Variants in ACOXL observed in about 807,000 individuals in gnomAD.
ACOXL encodes the protein acyl-coenzyme A oxidase-like protein.
In ACOXL, 70 loss-of-function variants were observed where a neutral mutation model predicts 71.9. The ratio of observed to expected loss-of-function variants is 0.97; its 90% confidence interval spans 0.80 to 1.19. The LOEUF is 1.19. Among genes scored for constraint, ACOXL ranks in the 50% most tolerant of loss-of-function variants. The probability of loss-of-function intolerance (pLI) is 0.00; values close to 1 mark genes in which losing one functional copy is unlikely to be tolerated. For synonymous variants in ACOXL, 253 were observed against 281.6 expected (o/e 0.90, Z 1.02); for missense variants, 703 against 736.3 (o/e 0.95, Z 0.52).
At chr2:110,821,406 G>A (rs1688584505) in intron 9 of ACOXL, among the ~76,000 whole-genome samples, 1 of 152,150 alleles carries the variant, frequency 6.6e-6, no homozygotes, top group African/African-American at 2.4e-5. Context: ...AGAAGAGCTG[G>A]ACCCCTATAT....
At chr2:110,823,135 C>T (rs1324686814) in intron 9 of ACOXL, among the ~76,000 whole-genome samples, 1 of 151,968 alleles carries the variant, frequency 6.6e-6, no homozygotes, top group Admixed American at 6.6e-5. Flanking sequence ...CACCTGTAAT[C>T]CCAGCTACTC....
At chr2:111,053,442 A>G (rs1007607386) in intron 16 of ACOXL, among the ~76,000 whole-genome samples, 12 of 152,188 alleles carry the variant, frequency 7.9e-5, no homozygotes, top group African/African-American at 2.9e-4. Context: ...ATAGTCCATG[A>G]CTGTCCCAGG....
At chr2:110,928,360 C>G (rs941727021) in intron 11 of ACOXL, among the ~76,000 whole-genome samples, 2 of 152,170 alleles carry the variant, frequency 1.3e-5, no homozygotes, top group Admixed American at 1.3e-4. Context: ...ATGCCTTGCA[C>G]AAAGTTAGAC....
intron 2 of ACOXL, among the ~76,000 whole-genome samples, chr2:110,777,973 G>A (rs1014551453): frequency 1.4e-4 from 21 of 152,352 alleles, no homozygotes; most frequent in African/African-American, 4.8e-4. Context: ...CATGTGAGCC[G>A]AGTTCAACTA....
chr2:110,748,046 A>G (rs1678452474), intron 1 of ACOXL, among the ~76,000 whole-genome samples: 3 of 152,098 alleles, frequency 2.0e-5, no homozygotes, highest in African/African-American at 7.2e-5. Flanking sequence ...TCTGCAGAAA[A>G]CAACCATGCC....
chr2:111,065,990 A>G (rs554039709), intron 16 of ACOXL, among the ~76,000 whole-genome samples: 3 of 152,218 alleles, frequency 2.0e-5, no homozygotes, highest in Non-Finnish European at 4.4e-5. Flanking sequence ...GACGAAACAC[A>G]TGCTTACCAT....
chr2:111,062,478 T>G (rs763990461), intron 16 of ACOXL, among the ~76,000 whole-genome samples: 35 of 152,072 alleles, frequency 2.3e-4, no homozygotes, highest in Non-Finnish European at 4.6e-4. Flanking sequence ...CTATGGACAT[T>G]TTTGGAACAC....
At chr2:110,946,724 C>A (rs1456909503) in intron 12 of ACOXL, among the ~76,000 whole-genome samples, 1 of 152,178 alleles carries the variant, frequency 6.6e-6, no homozygotes, top group Non-Finnish European at 1.5e-5. Context: ...TTCCAGGTGT[C>A]CATAGACATG....
intron 16 of ACOXL, among the ~76,000 whole-genome samples, chr2:111,073,213 T>G (rs897283354): frequency 2.6e-5 from 4 of 152,232 alleles, no homozygotes; most frequent in African/African-American, 9.6e-5. Context: ...GTATGTATTT[T>G]CATTTCCTTA....
intron 7 of ACOXL, among the ~76,000 whole-genome samples, 186 bp from the exon 8 acceptor site, chr2:110,801,466 G>A (rs1031541549): frequency 5.9e-5 from 9 of 152,144 alleles, no homozygotes; most frequent in African/African-American, 1.7e-4. Flanking sequence ...CCAGGCTGGT[G>A]GAAGAAACAG....
intron 17 of ACOXL, among the ~76,000 whole-genome samples, chr2:111,094,722 A>G (rs1389179905): frequency 2.0e-5 from 3 of 152,230 alleles, no homozygotes; most frequent in African/African-American, 7.2e-5. Context: ...TTCAAGCCAC[A>G]GCATCATTTC....
At chr2:111,085,353 A>G (rs2068154404) in intron 16 of ACOXL, among the ~76,000 whole-genome samples, 1 of 152,242 alleles carries the variant, frequency 6.6e-6, no homozygotes, top group African/African-American at 2.4e-5. Context: ...AGCCAATTCA[A>G]AAACACTGAA....
chr2:111,092,467 T>A (rs531052599), intron 16 of ACOXL, among the ~76,000 whole-genome samples: 39 of 152,314 alleles, frequency 2.6e-4, no homozygotes, highest in African/African-American at 8.9e-4. Context: ...TATCAAGATA[T>A]TATTATTCAG....
Position 110,784,989 on chromosome 2 carries a change from G to C in ACOXL, c.159+174G>C, listed in dbSNP as rs377030878. Among the ~76,000 whole-genome samples the C allele has an allele frequency of 5.0e-4, 76 of 152,198 alleles. 1 individual carries two copies. In the South Asian group the frequency reaches 0.015, roughly 30 times the overall value. ...CCTTTTAACTATCATATCCTATCCT[G>C]TTTTTGTTTCTAATTTGCTTTTCTT... On this transcript the variant is annotated intron_variant, in intron 3 of 17. Coordinates refer to ENST00000439055, the MANE Select transcript of ACOXL (RefSeq NM_001142807.4).
rs1201100745 is a variant in ACOXL at position 110,987,181 on chromosome 2, A to G, written c.1133A>G (p.Asn378Ser). 1 of 1,578,644 alleles carries G rather than the reference A, an allele frequency of 6.3e-7. No individual in the cohort carries two copies. Residue 378 changes from asparagine to serine, a missense_variant, in exon 13 of 18, where the codon AAC (asparagine) becomes AGC (serine). Physicochemically the swap from Asn to Ser is conservative, Grantham distance 46. Coordinates refer to ENST00000439055, the MANE Select transcript of ACOXL (RefSeq NM_001142807.4). The stretch of plus-strand genomic sequence containing the variant: ...AAACCACTCTTTGGCCTGCTCCAAA[A>G]CTGGGCTGAATCTGTGGGGGACAAG... ...EEKPLFGLLQ[N>S]WAESVGDKLR...
intron 17 of ACOXL, among the ~76,000 whole-genome samples, chr2:111,111,594 G>A (rs1045023714): frequency 6.6e-6 from 1 of 152,138 alleles, no homozygotes; most frequent in African/African-American, 2.4e-5. Flanking sequence ...ATATGCACTT[G>A]TCTTCTTTTT....
intron 12 of ACOXL, among the ~76,000 whole-genome samples, chr2:110,960,920 C>T (rs1269964123): frequency 6.6e-6 from 1 of 152,172 alleles, no homozygotes; most frequent in Admixed American, 6.5e-5. Flanking sequence ...TTTCTGTAAG[C>T]CGCATAGACG....
intron 16 of ACOXL, among the ~76,000 whole-genome samples, chr2:111,071,473 A>C (rs1410264191): frequency 6.6e-6 from 1 of 152,192 alleles, no homozygotes; most frequent in African/African-American, 2.4e-5. Context: ...GCATTTTGCT[A>C]ATGCTAACAG....
At chr2:111,039,134 G>C (rs1285225033) in intron 15 of ACOXL, among the ~76,000 whole-genome samples, 1 of 152,190 alleles carries the variant, frequency 6.6e-6, no homozygotes, top group Non-Finnish European at 1.5e-5. Context: ...GAAACCAAAA[G>C]TGTCAAAATG....
Sources: gnomAD v4.1 joint callset for allele counts (sites outside exome capture counted in the v4.1 genomes callset) on GRCh38, gnomAD v4.1.1 for gene constraint, MANE v1.5 for transcripts, NCBI Gene and HGNC (gene_info 2026-07-23, HGNC 2026-07-21) for gene names.